COL25A1: variants seen among roughly 807,000 people sequenced by gnomAD.
COL25A1 encodes the protein collagen type XXV alpha 1 chain, also known as collagen alpha-1(XXV) chain.
In COL25A1, 103 loss-of-function variants were observed where a neutral mutation model predicts 128.4. That is an observed-to-expected ratio of 0.80 (90% CI 0.68 to 0.94). The LOEUF (loss-of-function observed/expected upper bound fraction) is 0.94. COL25A1 is among the 40% of genes least tolerant of loss of function. COL25A1 has a pLI of 0.00. For missense variants in COL25A1, 745 were observed against 840.0 expected (o/e 0.89, Z 1.40); for synonymous variants, 279 against 277.2 (o/e 1.01, Z -0.06).
At position 108,991,391 on chromosome 4, in the gene COL25A1, C is replaced by T. The variant is rs562315924; in HGVS notation, c.439-16832G>A. Among the ~76,000 whole-genome samples, 123 of 152,050 alleles carry T rather than the reference C, an allele frequency of 8.1e-4. 2 individuals carry two copies. Among genetic ancestry groups the T allele is most frequent in the African/African-American group, 2.7e-3 (111 of 41,500 alleles). On this transcript the variant is annotated intron_variant, in intron 6 of 37. Transcript: ENST00000399132. ...ATGGATTATAGTAAAATAAATAAGC[C>T]GTTATACCATGTGTACTCTTAAAGA... is the stretch of plus-strand genomic sequence containing the variant.
chr4:109,007,388 C>T (rs560886294), intron 6 of COL25A1, among the ~76,000 whole-genome samples: 1 of 152,234 alleles, frequency 6.6e-6, no homozygotes, highest in African/African-American at 2.4e-5. Context: ...AGAAATGATA[C>T]ATGTAGTAGA....
Position 109,261,823 on chromosome 4 carries a change from G to A in COL25A1, c.367+38760C>T, listed in dbSNP as rs973453891. On this transcript the variant is annotated intron_variant, in intron 3 of 37. Coordinates refer to ENST00000399132, the MANE Select transcript of COL25A1 (RefSeq NM_198721.4). Reference sequence around the variant, plus strand: ...CGCCATTCTCCTGCCTCAGCCACCCGAGTAGCTGGGACTACAGGCGCCTGC... The same window carrying A: ...CGCCATTCTCCTGCCTCAGCCACCCAAGTAGCTGGGACTACAGGCGCCTGC... 1.2e-3 allele frequency among the ~76,000 whole-genome samples: 180 copies of A among 151,338 alleles called. 1 individual carries two copies. The highest frequency in any genetic ancestry group is 4.1e-3 in the African/African-American group (171 of 41,234).
At position 109,235,756 on chromosome 4, in the gene COL25A1, G is replaced by A. The variant is rs577632981; in HGVS notation, c.367+64827C>T. ...GGTGCAGGTAAAACTCAATCTATAG[G>A]CATAGATTGTACAATTAGGGCTAAG... On this transcript the variant is annotated intron_variant, in intron 3 of 37. Transcript: ENST00000399132. Among the ~76,000 whole-genome samples, 32 of 152,148 alleles carry A rather than the reference G, an allele frequency of 2.1e-4. No individual in the cohort carries two copies. The South Asian group carries it at 6.3e-3, about 30-fold the overall frequency.
At chr4:109,068,678 T>A (rs970727601) in intron 3 of COL25A1, among the ~76,000 whole-genome samples, 1 of 152,202 alleles carries the variant, frequency 6.6e-6, no homozygotes, top group African/African-American at 2.4e-5. Flanking sequence ...CCACTAAATA[T>A]GTGATTTTCT....
rs114421685 is a variant in COL25A1 at position 109,066,245 on chromosome 4, C to A, written c.368-16066G>T. Among the ~76,000 whole-genome samples the A allele has an allele frequency of 7.3e-3, 1,116 of 152,260 alleles. 20 individuals are homozygous for A. Among genetic ancestry groups the A allele is most frequent in the African/African-American group, 0.026 (1,063 of 41,558 alleles). ...ACTGGTTGTTGGTCAGTTTTAGAAG[C>A]ACCACTCACCCCAAGTGCCTCTTTT... On this transcript the variant is annotated intron_variant, in intron 3 of 37. Transcript: ENST00000399132.
chr4:109,105,048 T>C (rs1766289417), intron 3 of COL25A1, among the ~76,000 whole-genome samples: 1 of 152,200 alleles, frequency 6.6e-6, no homozygotes, highest in East Asian at 1.9e-4. Flanking sequence ...TTCAAGATAA[T>C]CCTGGTGGTA....
intron 6 of COL25A1, among the ~76,000 whole-genome samples, chr4:109,002,027 A>C (rs1219958643): frequency 2.0e-5 from 3 of 152,256 alleles, no homozygotes; most frequent in Non-Finnish European, 4.4e-5. Flanking sequence ...CACACCTGTC[A>C]GAATGGCTAT....
At chr4:109,028,734 A>G (rs1356264780) in intron 5 of COL25A1, among the ~76,000 whole-genome samples, 16 of 148,322 alleles carry the variant, frequency 1.1e-4, no homozygotes, top group Admixed American at 1.0e-3. Context: ...CAAAAAAAAG[A>G]AAAAAAGAAA....
chr4:109,028,418 A>G (rs1758522008), intron 5 of COL25A1, among the ~76,000 whole-genome samples: 1 of 152,040 alleles, frequency 6.6e-6, no homozygotes, highest in Non-Finnish European at 1.5e-5. Context: ...CCATTCCAAC[A>G]TGTAGAAATC....
chr4:108,875,320 A>G (rs1356896278), intron 19 of COL25A1, among the ~76,000 whole-genome samples: 2 of 152,242 alleles, frequency 1.3e-5, no homozygotes, highest in African/African-American at 4.8e-5. Context: ...CATCTGACAA[A>G]GGGCTAATAT....
Position 108,889,234 on chromosome 4 carries a change from C to T in COL25A1, c.962G>A (p.Arg321His), listed in dbSNP as rs542832525. The T allele has an allele frequency of 4.5e-5, 72 of 1,613,494 alleles. No homozygotes were observed. The South Asian group carries it at 6.3e-4, about 14-fold the overall frequency. Reference sequence around the variant, plus strand: ...TAGAGATATTACCTTTTGCCCTGGACGACCAGATTCCCCAGGTTCTCCCTG... The same window carrying T: ...TAGAGATATTACCTTTTGCCCTGGATGACCAGATTCCCCAGGTTCTCCCTG... Reference protein sequence around the residue: ...GIKGEPGESGRPGQKGEPGLP... With the variant: ...GIKGEPGESGHPGQKGEPGLP... Residue 321 changes from arginine (R) to histidine (H), a missense_variant, in exon 18 of 38, where the codon CGT becomes CAT. By Grantham distance (29) the Arg-to-His change is conservative. Coordinates refer to ENST00000399132, the MANE Select transcript of COL25A1 (RefSeq NM_198721.4).
intron 19 of COL25A1, among the ~76,000 whole-genome samples, chr4:108,872,340 T>C (rs1012518291): frequency 6.6e-6 from 1 of 152,106 alleles, no homozygotes; most frequent in Non-Finnish European, 1.5e-5. Flanking sequence ...CACTTGAACC[T>C]GGGAGGCAGA....
intron 6 of COL25A1, among the ~76,000 whole-genome samples, chr4:108,981,097 C>T (rs1752928364): frequency 6.6e-6 from 1 of 152,166 alleles, no homozygotes; most frequent in Non-Finnish European, 1.5e-5. Context: ...CTTAACAGGT[C>T]TCTAAAACTG....
At chr4:108,987,298 C>T (rs1578992721) in intron 6 of COL25A1, among the ~76,000 whole-genome samples, 2 of 152,146 alleles carry the variant, frequency 1.3e-5, no homozygotes. Context: ...TCTTTACTTA[C>T]GTCCTTCTTT....
At chr4:108,850,556 G>A (rs1735651321) in intron 26 of COL25A1, among the ~76,000 whole-genome samples, 1 of 152,020 alleles carries the variant, frequency 6.6e-6, no homozygotes, top group Non-Finnish European at 1.5e-5. Context: ...CATATTGCTT[G>A]TCTAGATATT....
chr4:108,822,043 A>ATGTTTTTTTTTTTTTT (rs1731824887), intron 35 of COL25A1, among the ~76,000 whole-genome samples: 2 of 89,964 alleles, frequency 2.2e-5, no homozygotes, highest in Non-Finnish European at 4.3e-5. Context: ...CCTAATGGTA[A>ATGTTTTTTTTTTTTTT]TTTTTTTTTT....
chr4:109,197,895 T>C (rs1776250478), intron 3 of COL25A1, among the ~76,000 whole-genome samples: 4 of 152,096 alleles, frequency 2.6e-5, no homozygotes, highest in African/African-American at 2.4e-5. Flanking sequence ...GTGGAATGCA[T>C]GCTAGTGTAA....
At chr4:108,974,064 C>G (rs1752185880) in intron 8 of COL25A1, among the ~76,000 whole-genome samples, 2 of 152,182 alleles carry the variant, frequency 1.3e-5, no homozygotes, top group South Asian at 4.1e-4. Context: ...TCATGCAAAT[C>G]TGAAGGACTC....
At chr4:108,998,547 A>G (rs1404760158) in intron 6 of COL25A1, among the ~76,000 whole-genome samples, 1 of 152,206 alleles carries the variant, frequency 6.6e-6, no homozygotes, top group Non-Finnish European at 1.5e-5. Context: ...TGCCCAAGGT[A>G]ATTTATAGAT....
Sources: gnomAD v4.1 joint callset for allele counts (sites outside exome capture counted in the v4.1 genomes callset) on GRCh38, gnomAD v4.1.1 for gene constraint, MANE v1.5 for transcripts, NCBI Gene and HGNC (gene_info 2026-07-23, HGNC 2026-07-21) for gene names.